TCERG1L: variants seen among roughly 807,000 people sequenced by gnomAD.
TCERG1L encodes transcription elongation regulator 1-like protein.
In TCERG1L, 37 loss-of-function variants were observed where a neutral mutation model predicts 56.3. The ratio of observed to expected loss-of-function variants is 0.66; its 90% CI spans 0.51 to 0.87. The LOEUF (loss-of-function observed/expected upper bound fraction) is 0.87. Among genes scored for constraint, TCERG1L ranks in the 40% least tolerant of loss-of-function variants. The pLI is 0.00. For missense variants in TCERG1L, 799 were observed against 774.2 expected (o/e 1.03, Z -0.38); for synonymous variants, 324 against 326.3 (o/e 0.99, Z 0.08).
intron 4 of TCERG1L, among the ~76,000 whole-genome samples, chr10:131,186,804 A>C (rs1237026115): frequency 6.6e-6 from 1 of 152,110 alleles, no homozygotes; most frequent in Non-Finnish European, 1.5e-5. Context: ...CTGTTTTGTC[A>C]TTGGTTGATT....
chr10:131,302,692 T>C (rs1004617426), intron 3 of TCERG1L, among the ~76,000 whole-genome samples: 2 of 151,394 alleles, frequency 1.3e-5, no homozygotes, highest in Non-Finnish European at 2.9e-5. Context: ...GTTTGTTATA[T>C]AGGTATACAT....
chr10:131,289,031 T>C (rs987041094), intron 3 of TCERG1L, among the ~76,000 whole-genome samples: 1 of 152,186 alleles, frequency 6.6e-6, no homozygotes, highest in South Asian at 2.1e-4. Flanking sequence ...TGATACAAAA[T>C]TTCAAAAGTC....
At chr10:131,097,472 C>G (rs1845261509) in intron 11 of TCERG1L, among the ~76,000 whole-genome samples, 1 of 152,124 alleles carries the variant, frequency 6.6e-6, no homozygotes, top group African/African-American at 2.4e-5. Flanking sequence ...CTCAGTCTCC[C>G]AAGCAGCTGG....
chr10:131,300,925 T>C (rs1188961915), intron 3 of TCERG1L, among the ~76,000 whole-genome samples: 1 of 152,100 alleles, frequency 6.6e-6, no homozygotes, highest in Non-Finnish European at 1.5e-5. Flanking sequence ...GATTTGGATT[T>C]TGTTGTCATG....
intron 4 of TCERG1L, among the ~76,000 whole-genome samples, chr10:131,236,319 C>T (rs1345782835): frequency 6.6e-6 from 1 of 152,016 alleles, no homozygotes; most frequent in Non-Finnish European, 1.5e-5. Context: ...CCTTTTTTTC[C>T]CCCAAACAAT....
At chr10:131,281,701 C>T (rs1846456602) in intron 3 of TCERG1L, among the ~76,000 whole-genome samples, 1 of 152,138 alleles carries the variant, frequency 6.6e-6, no homozygotes, top group South Asian at 2.1e-4. Context: ...GTCCTAAAGT[C>T]CCTATTGGGA....
intron 4 of TCERG1L, among the ~76,000 whole-genome samples, chr10:131,237,586 A>C (rs1219150440): frequency 6.8e-6 from 1 of 146,334 alleles, no homozygotes; most frequent in African/African-American, 2.8e-5. Context: ...TCAGATACTC[A>C]CATACAATGT....
At chr10:131,185,885 A>T (rs1595519) in intron 4 of TCERG1L, among the ~76,000 whole-genome samples, 67,830 of 151,914 alleles carry the variant, frequency 0.45, 17,461 homozygotes, top group South Asian at 0.62. Flanking sequence ...GAAAACGGAT[A>T]TTCAGATCAA....
rs1433185091 is a variant in TCERG1L at position 131,146,612 on chromosome 10, C to T, written c.1083G>A (p.Thr361=). The T allele has an allele frequency of 4.3e-6, 7 of 1,613,626 alleles. No homozygotes were observed. The highest frequency in any genetic ancestry group is 4.5e-5 in the East Asian group (2 of 44,878). Residue 361 remains threonine, a synonymous_variant, in exon 7 of 12, where the codon ACG becomes ACA. Transcript: ENST00000368642. The part of the protein sequence containing the change: ...GDDRVFFFNP[T]MHLSVWEKPM... ...GCTTCTCCCAGACAGACAGGTGCAT[C>T]GTTGGGTTGAAGAAGAAAACTCGGT... is the stretch of plus-strand genomic sequence containing the variant.
chr10:131,231,027 C>T (rs1032978456), intron 4 of TCERG1L, among the ~76,000 whole-genome samples: 1 of 150,726 alleles, frequency 6.6e-6, no homozygotes, highest in African/African-American at 2.4e-5. Context: ...CTATGAAAGA[C>T]TGAGATTTAG....
chr10:131,168,548 G>A (rs760814672), intron 4 of TCERG1L, among the ~76,000 whole-genome samples: 4 of 152,210 alleles, frequency 2.6e-5, no homozygotes, highest in Admixed American at 6.5e-5. Context: ...GACGTGAGCC[G>A]GAGGCCCCAT....
At chr10:131,299,743 C>A (rs914754863) in intron 3 of TCERG1L, among the ~76,000 whole-genome samples, 3 of 152,074 alleles carry the variant, frequency 2.0e-5, no homozygotes, top group African/African-American at 7.2e-5. Flanking sequence ...TAAAGTATGT[C>A]TTTAACTTGG....
chr10:131,246,595 C>A (rs1396798746), intron 4 of TCERG1L, among the ~76,000 whole-genome samples: 1 of 143,738 alleles, frequency 7.0e-6, no homozygotes, highest in Non-Finnish European at 1.5e-5. Context: ...CTCCTCCTCT[C>A]CCTCCCCTGC....
At chr10:131,127,862 C>T (rs1845579017) in intron 8 of TCERG1L, among the ~76,000 whole-genome samples, 1 of 152,130 alleles carries the variant, frequency 6.6e-6, no homozygotes, top group South Asian at 2.1e-4. Flanking sequence ...GACAGAGAAC[C>T]ACCACGGTCC....
chr10:131,134,181 C>T lies in TCERG1L; in HGVS notation c.1259+198G>A, dbSNP rs192727740. ...GGCCCTGTGTACAGTGTCTGAAGTG[C>T]CCCAAGCCTCCGAGATACCTGCTTC... On this transcript the variant is annotated intron_variant, in intron 8 of 11. Transcript: ENST00000368642. Among the ~76,000 whole-genome samples, 9 of 152,274 alleles carry T rather than the reference C, an allele frequency of 5.9e-5. No homozygotes were observed. In the East Asian group the frequency reaches 1.7e-3, roughly 30 times the overall value.
chr10:131,207,810 CG>C (rs1845558735), intron 4 of TCERG1L, among the ~76,000 whole-genome samples: 1 of 152,086 alleles, frequency 6.6e-6, no homozygotes, highest in African/African-American at 2.4e-5. Flanking sequence ...AAATACCGAG[CG>C]GGTGGTCCCT....
Position 131,260,763 on chromosome 10 carries a change from G to A in TCERG1L, c.671-319C>T, listed in dbSNP as rs1204988777. Among the ~76,000 whole-genome samples the A allele has an allele frequency of 6.6e-6, 1 of 152,212 alleles. No individual in the cohort carries two copies. The highest frequency in any genetic ancestry group is 2.4e-5 in the African/African-American group (1 of 41,460). On this transcript the variant is annotated intron_variant, in intron 3 of 11. Transcript: ENST00000368642. This position sits in a 1 kb window ranked among gnomAD's most constrained non-coding sequence, Gnocchi z 5.8. ...GAGAAACTGCTTGTCCCTGGTGCCAGTGTGTTAAGTACCTAATCAGAAGTG... is the reference window on the plus strand; with the variant it reads ...GAGAAACTGCTTGTCCCTGGTGCCAATGTGTTAAGTACCTAATCAGAAGTG...
In TCERG1L at chr10:131,258,218, G is replaced by T. The variant is rs115063293; in HGVS notation, c.856+2041C>A. Among the ~76,000 whole-genome samples, 1,107 of 152,322 alleles carry T rather than the reference G, an allele frequency of 7.3e-3. 17 individuals carry two copies. The highest frequency in any genetic ancestry group is 0.026 in the African/African-American group (1,074 of 41,582). On this transcript the variant is annotated intron_variant, in intron 4 of 11. Transcript: ENST00000368642. ...GAGACTGCCCATCAGCAGAGACAAC[G>T]CCTTGCTCCCATCGTTCTGTGGGCC...
rs1162267342 is a variant in TCERG1L, at chr10:131,298,728, T to A, written c.670+9483A>T. On this transcript the variant is annotated intron_variant, in intron 3 of 11. Transcript: ENST00000368642. Reference sequence around the variant, plus strand: ...GGCGTCCAGCCCTACTTTTAATTATTTAAAATTTTTGACTTGTTTTATAGC... The same window carrying A: ...GGCGTCCAGCCCTACTTTTAATTATATAAAATTTTTGACTTGTTTTATAGC... 2.0e-5 allele frequency among the ~76,000 whole-genome samples: 3 copies of A among 152,344 alleles called. No individual in the cohort carries two copies. The South Asian group carries it at 6.2e-4, about 32-fold the overall frequency.
Sources: gnomAD v4.1 joint callset for allele counts (sites outside exome capture counted in the v4.1 genomes callset) on GRCh38, gnomAD v4.1.1 for gene constraint, Gnocchi (gnomAD v3.1) non-coding constraint, MANE v1.5 for transcripts, NCBI Gene and HGNC (gene_info 2026-07-23, HGNC 2026-07-21) for gene names.